The following CCDC146 variants were observed in gnomAD, a reference collection of about 807,000 sequenced individuals.
CCDC146 encodes coiled-coil domain containing 146, also known as coiled-coil domain-containing protein 146.
In CCDC146, 92 loss-of-function variants were observed where a neutral mutation model predicts 119.3. The observed-to-expected ratio is 0.77, with a 90% CI of 0.65 to 0.92. The LOEUF (loss-of-function observed/expected upper bound fraction) is 0.92, where lower values mean the gene tolerates loss of function less well. CCDC146 is among the 40% of genes least tolerant of loss of function. CCDC146 has a pLI of 0.00. For missense variants in CCDC146, 1,000 were observed against 1,103.0 expected (o/e 0.91, Z 1.32); for synonymous variants, 372 against 371.8 (o/e 1.00, Z -0.01).
At chr7:77,260,309 C>T (rs967848669) in intron 8 of CCDC146, 73 bp downstream of exon 8, 5 of 1,084,840 alleles carry the variant, frequency 4.6e-6, no homozygotes, top group Non-Finnish European at 6.6e-6. Flanking sequence ...AATTCAAAAT[C>T]TCACTTTGGT....
At position 77,260,065 on chromosome 7, in the gene CCDC146, C is replaced by G. The variant is rs771435934; in HGVS notation, c.815C>G (p.Ser272Cys). ...LEQEVKTLNDSLKKVENKVSA... is the reference protein window; with the variant it reads ...LEQEVKTLNDCLKKVENKVSA... ...CAAGAAGTCAAAACGCTAAATGACT[C>G]CCTAAAGAAAGTTGAAAACAAGGTT... The change falls in exon 8 of 19, where the codon TCC becomes TGC. Residue 272 changes from serine (S) to cysteine (C), a missense_variant. This residue lies in a region of CCDC146 where 985 missense variants were observed against 1,045.3 expected (regional missense o/e 0.94). Coordinates refer to ENST00000285871, the MANE Select transcript of CCDC146 (RefSeq NM_020879.3). 1.9e-6 allele frequency: 3 copies of G among 1,612,310 alleles called. No individual in the cohort carries two copies.
At chr7:77,150,852 G>A (rs773339608) in intron 1 of CCDC146, among the ~76,000 whole-genome samples, 5 of 152,152 alleles carry the variant, frequency 3.3e-5, no homozygotes, top group Non-Finnish European at 7.4e-5. Flanking sequence ...GTTTATTTAT[G>A]CAATGCAATT....
intron 2 of CCDC146, among the ~76,000 whole-genome samples, chr7:77,193,071 G>A (rs1042079513): frequency 1.8e-4 from 26 of 147,180 alleles, no homozygotes; most frequent in Admixed American, 9.8e-4. Context: ...TGAAACCAGA[G>A]GTACAGACTA....
intron 10 of CCDC146, 31 bp downstream of exon 10, chr7:77,273,820 C>T: frequency 7.3e-7 from 1 of 1,378,032 alleles, no homozygotes; most frequent in Non-Finnish European, 1.0e-6. Context: ...AAGCTTCTAT[C>T]TAAGAAGCGT....
intron 8 of CCDC146, among the ~76,000 whole-genome samples, chr7:77,261,526 G>A (rs960515300): frequency 1.3e-5 from 2 of 151,860 alleles, no homozygotes; most frequent in African/African-American, 2.4e-5. Context: ...GCCGGACTGC[G>A]GACTGCAGTG....
chr7:77,219,008 A>G (rs1293780339), intron 2 of CCDC146, among the ~76,000 whole-genome samples: 3 of 152,212 alleles, frequency 2.0e-5, no homozygotes, highest in African/African-American at 7.2e-5. Flanking sequence ...TACAACATGA[A>G]TAAGGTCTAT....
intron 1 of CCDC146, among the ~76,000 whole-genome samples, chr7:77,156,194 T>C (rs1791177072): frequency 6.6e-6 from 1 of 152,228 alleles, no homozygotes; most frequent in Admixed American, 6.5e-5. Flanking sequence ...CTGTTTAACA[T>C]GTCTGAACAT....
chr7:77,134,421 A>G (rs2117401845), intron 1 of CCDC146, among the ~76,000 whole-genome samples: 1 of 152,376 alleles, frequency 6.6e-6, no homozygotes, highest in South Asian at 2.1e-4. Context: ...TCAATAAAAA[A>G]TAGTAACAAA....
chr7:77,189,579 G>T (rs1346100001), intron 2 of CCDC146, among the ~76,000 whole-genome samples: 1 of 152,006 alleles, frequency 6.6e-6, no homozygotes, highest in Non-Finnish European at 1.5e-5. Flanking sequence ...AGTGTAAAAG[G>T]CACAGTCCTT....
Position 77,134,563 on chromosome 7 carries a change from C to CTGTGTG in CCDC146, c.-12+11861_-12+11866dup, listed in dbSNP as rs1554345524. The stretch of plus-strand genomic sequence containing the variant: ...ACTCTGTGTGTGTGTGTGTGTGTGT[C>CTGTGTG]TGTGTGTGTGTGTGTGTGTGTGTGT... On this transcript the variant is annotated intron_variant, in intron 1 of 18. Transcript: ENST00000285871. Among the ~76,000 whole-genome samples the CTGTGTG allele has an allele frequency of 6.1e-3, 855 of 139,396 alleles. 4 individuals are homozygous for CTGTGTG. Among genetic ancestry groups the CTGTGTG allele is most frequent in the African/African-American group, 0.019 (722 of 37,314 alleles). The allele number at this position is 139,396 out of a possible 152,430, so 91.4% of individuals were successfully genotyped here. A position where few individuals can be genotyped will look rare whatever the true frequency, so the allele number is the denominator to read the frequency against.
At chr7:77,294,112 GGGCAAAGCT>G (rs562528454) in intron 18 of CCDC146, among the ~76,000 whole-genome samples, 528 of 152,230 alleles carry the variant, frequency 3.5e-3, no homozygotes, top group Non-Finnish European at 5.6e-3. Context: ...TTGAGGCTCA[GGGCAAAGCT>G]GGTGACCATT....
At chr7:77,150,576 G>A (rs1791095213) in intron 1 of CCDC146, among the ~76,000 whole-genome samples, 1 of 152,216 alleles carries the variant, frequency 6.6e-6, no homozygotes, top group Admixed American at 6.5e-5. Flanking sequence ...ACAAGGATGT[G>A]GAGCAGCGGG....
intron 2 of CCDC146, among the ~76,000 whole-genome samples, chr7:77,235,686 G>T (rs898399737): frequency 2.0e-5 from 3 of 152,214 alleles, no homozygotes; most frequent in Non-Finnish European, 4.4e-5. Flanking sequence ...CAGAAGGGCA[G>T]TTAGGAGGTT....
chr7:77,260,971 C>T (rs539176121), intron 8 of CCDC146, among the ~76,000 whole-genome samples: 26 of 152,132 alleles, frequency 1.7e-4, no homozygotes, highest in African/African-American at 4.3e-4. Context: ...CTGGAGGCTT[C>T]TATCTCTGCC....
chr7:77,282,704 G>A lies in CCDC146; in HGVS notation c.2067G>A (p.Lys689=). 2 of 1,614,202 alleles carry A rather than the reference G, an allele frequency of 1.2e-6. No homozygotes were observed. Among genetic ancestry groups the A allele is most frequent in the Non-Finnish European group, 1.7e-6 (2 of 1,180,020 alleles). ...IQFLKMKIAE[K]QRQICVTQKL... ...TCCTGAAAATGAAGATTGCTGAGAA[G>A]CAAAGACAAATTTGTGTGACCCAGA... Residue 689 remains lysine, a synonymous_variant, in exon 15 of 19, where the codon AAG becomes AAA. Coordinates refer to ENST00000285871, the MANE Select transcript of CCDC146 (RefSeq NM_020879.3).
chr7:77,199,767 C>CA, intron 2 of CCDC146: 1 of 1,614,038 alleles, frequency 6.2e-7, no homozygotes, highest in Non-Finnish European at 8.5e-7. Context: ...CAGCTGAGCT[C>CA]AGCCAGTACC....
chr7:77,217,941 G>A (rs1443053848), intron 2 of CCDC146, among the ~76,000 whole-genome samples: 2 of 152,202 alleles, frequency 1.3e-5, no homozygotes, highest in Non-Finnish European at 2.9e-5. Flanking sequence ...AGGACTGGAA[G>A]TTGCTCAGAG....
At chr7:77,263,459 C>T (rs1466638369) in intron 9 of CCDC146, among the ~76,000 whole-genome samples, 3 of 152,144 alleles carry the variant, frequency 2.0e-5, no homozygotes, top group African/African-American at 2.4e-5. Context: ...TTTGGTAGTT[C>T]GAAGCCATGA....
At chr7:77,259,142 C>G in intron 7 of CCDC146, 74 bp downstream of exon 7, 1 of 828,754 alleles carries the variant, frequency 1.2e-6, no homozygotes, top group Non-Finnish European at 2.0e-6. Context: ...AGAGTACTAA[C>G]CATTGGACAC....
Sources: allele counts gnomAD v4.1 joint callset (sites outside exome capture counted in the v4.1 genomes callset), GRCh38; gene constraint gnomAD v4.1.1; regional missense constraint gnomAD v4.1.1; transcripts MANE v1.5; gene names NCBI Gene and HGNC (gene_info 2026-07-23, HGNC 2026-07-21).